HIPK3: variants seen among roughly 807,000 people sequenced by gnomAD.
HIPK3 encodes the protein homeodomain interacting protein kinase 3.
HIPK3 carries 47 observed loss-of-function variants against 124.2 expected under a neutral mutation model. The observed-to-expected ratio is 0.38, with a 90% CI of 0.30 to 0.48. HIPK3 has a LOEUF of 0.48. HIPK3 is among the 20% of genes least tolerant of loss of function. The pLI is 0.98. For synonymous variants in HIPK3, 482 were observed against 515.2 expected (o/e 0.94, Z 0.87); for missense variants, 1,286 against 1,454.3 (o/e 0.88, Z 1.88).
chr11:33,351,093 A>T (rs1404227112), intron 14 of HIPK3, among the ~76,000 whole-genome samples: 2 of 152,196 alleles, frequency 1.3e-5, no homozygotes, highest in East Asian at 3.9e-4. Flanking sequence ...AGAGATGAGA[A>T]ATATGGGGCT....
At chr11:33,328,693 C>A in intron 3 of HIPK3, 60 bp downstream of exon 3, 1 of 1,503,198 alleles carries the variant, frequency 6.7e-7, no homozygotes, top group Non-Finnish European at 9.2e-7. Flanking sequence ...AACAGACTTA[C>A]AGGAACACAT....
intron 2 of HIPK3, among the ~76,000 whole-genome samples, chr11:33,310,174 C>T (rs1252002329): frequency 3.3e-5 from 5 of 152,146 alleles, no homozygotes; most frequent in Admixed American, 2.0e-4. Context: ...ATTCTTGACA[C>T]GTGCTGTTCA....
At chr11:33,340,919 A>G in intron 6 of HIPK3, 49 bp from the exon 7 acceptor site, 1 of 1,184,366 alleles carries the variant, frequency 8.4e-7, no homozygotes. Flanking sequence ...TCAATTTAAA[A>G]CTAAGCTTTT....
chr11:33,271,138 G>A (rs909018901), intron 1 of HIPK3, among the ~76,000 whole-genome samples: 2 of 152,050 alleles, frequency 1.3e-5, no homozygotes, highest in African/African-American at 4.8e-5. Flanking sequence ...AAATTGCAAG[G>A]TTCTATGAAT....
chr11:33,288,145 T>G (rs1294930714), intron 2 of HIPK3, among the ~76,000 whole-genome samples: 2 of 152,182 alleles, frequency 1.3e-5, no homozygotes, highest in Non-Finnish European at 2.9e-5. Flanking sequence ...GTTATTCTGA[T>G]TAATGATTTT....
intron 8 of HIPK3, among the ~76,000 whole-genome samples, chr11:33,342,700 C>T (rs1853372877): frequency 6.6e-6 from 1 of 152,106 alleles, no homozygotes; most frequent in South Asian, 2.1e-4. Flanking sequence ...GGATTACAGG[C>T]ATGCGCCACC....
At chr11:33,346,543 C>T (rs182060963) in intron 8 of HIPK3, among the ~76,000 whole-genome samples, 16 of 152,256 alleles carry the variant, frequency 1.1e-4, no homozygotes, top group Non-Finnish European at 1.5e-4. Context: ...GATTCTATCA[C>T]AGTTTTAAAG....
intron 4 of HIPK3, 68 bp from the exon 5 acceptor site, chr11:33,338,689 C>T: frequency 4.4e-6 from 4 of 911,920 alleles, no homozygotes; most frequent in South Asian, 1.6e-5. Context: ...ATATATTAGA[C>T]TAAATGTGCC....
intron 14 of HIPK3, among the ~76,000 whole-genome samples, chr11:33,349,987 A>G (rs1853609790): frequency 6.6e-6 from 1 of 151,398 alleles, no homozygotes; most frequent in Non-Finnish European, 1.5e-5. Flanking sequence ...CTGGTCTTGA[A>G]CTCCTTACCT....
chr11:33,302,321 CT>C (rs1338010289), intron 2 of HIPK3, among the ~76,000 whole-genome samples: 1 of 137,292 alleles, frequency 7.3e-6, no homozygotes, highest in Admixed American at 7.7e-5. Context: ...CAATGAACTT[CT>C]CTATGATAAT....
chr11:33,271,176 T>C (rs942933694), intron 1 of HIPK3, among the ~76,000 whole-genome samples: 4 of 152,204 alleles, frequency 2.6e-5, no homozygotes, highest in African/African-American at 9.6e-5. Context: ...TTTGTTAATA[T>C]GATAAATAAT....
intron 1 of HIPK3, among the ~76,000 whole-genome samples, chr11:33,259,613 G>A (rs1391027143): frequency 1.3e-5 from 2 of 152,128 alleles, no homozygotes; most frequent in South Asian, 2.1e-4. Context: ...CATTCATAAA[G>A]TGTAGAGGAC....
intron 1 of HIPK3, among the ~76,000 whole-genome samples, chr11:33,281,226 C>T (rs1231280635): frequency 6.6e-6 from 1 of 152,018 alleles, no homozygotes; most frequent in Non-Finnish European, 1.5e-5. Flanking sequence ...TGCGCCACCA[C>T]ACCTGGCTAA....
In HIPK3 at chr11:33,258,627, G is replaced by A. The variant is rs546015680; in HGVS notation, c.-3+738G>A. 2.0e-5 allele frequency: 20 copies of A among 985,378 alleles called. No individual in the cohort carries two copies. In the South Asian group the frequency reaches 9.4e-4, roughly 46 times the overall value. 61.0% of individuals were successfully genotyped at this position (985,378 alleles called of 1,614,324 possible). On this transcript the variant is annotated intron_variant, in intron 1 of 16. Transcript: ENST00000303296. ...TCCCTTCGCCGCACTGGGAGAACTG[G>A]CGGAAAGACTTTGGATGAAAATGTC...
intron 12 of HIPK3, 69 bp downstream of exon 12, chr11:33,348,297 T>C: frequency 7.2e-7 from 1 of 1,390,852 alleles, no homozygotes; most frequent in Non-Finnish European, 1.0e-6. Flanking sequence ...GACATTCAGA[T>C]AGCACATTTA....
At chr11:33,308,086 A>G (rs1852217852) in intron 2 of HIPK3, among the ~76,000 whole-genome samples, 1 of 151,910 alleles carries the variant, frequency 6.6e-6, no homozygotes, top group African/African-American at 2.4e-5. Flanking sequence ...ACCCATCTGG[A>G]ATTGATTTTT....
chr11:33,276,077 A>G (rs1051609166), intron 1 of HIPK3, among the ~76,000 whole-genome samples: 2 of 152,268 alleles, frequency 1.3e-5, no homozygotes, highest in Non-Finnish European at 2.9e-5. Flanking sequence ...AAAAGCTGCA[A>G]GAATAATACA....
chr11:33,311,026 A>T (rs1159256826), intron 2 of HIPK3, among the ~76,000 whole-genome samples: 1 of 152,130 alleles, frequency 6.6e-6, no homozygotes, highest in East Asian at 1.9e-4. Context: ...GCTCTTGACT[A>T]CTACTTTCTG....
At chr11:33,310,564 C>T (rs1852305319) in intron 2 of HIPK3, among the ~76,000 whole-genome samples, 1 of 152,156 alleles carries the variant, frequency 6.6e-6, no homozygotes, top group Admixed American at 6.5e-5. Flanking sequence ...CCAGCTTGGC[C>T]TCCCAGAGTA....
Sources: allele counts gnomAD v4.1 joint callset (sites outside exome capture counted in the v4.1 genomes callset), GRCh38; gene constraint gnomAD v4.1.1; transcripts MANE v1.5; gene names NCBI Gene and HGNC (gene_info 2026-07-23, HGNC 2026-07-21).